Variants in NPC1 observed in about 807,000 individuals in gnomAD.
NPC1 encodes NPC intracellular cholesterol transporter 1.
NPC1 carries 85 observed loss-of-function variants against 140.4 expected under a neutral mutation model. The ratio of observed to expected loss-of-function variants is 0.61; its 90% CI spans 0.51 to 0.72. NPC1 has a LOEUF of 0.72. NPC1 is among the 30% of genes least tolerant of loss of function. The pLI is 0.00. For missense variants in NPC1, 1,504 were observed against 1,623.8 expected (o/e 0.93, Z 1.27); for synonymous variants, 656 against 624.8 (o/e 1.05, Z -0.74).
At chr18:23,512,550 A>G (rs1026003755) in intron 3 of NPC1, among the ~76,000 whole-genome samples, 4 of 151,578 alleles carry the variant, frequency 2.6e-5, no homozygotes, top group African/African-American at 9.7e-5. Flanking sequence ...CTTCCTGAGT[A>G]GCTGGAACTA....
chr18:23,554,638 C>T, intron 9 of NPC1, 120 bp downstream of exon 9: 1 of 714,534 alleles, frequency 1.4e-6, no homozygotes. Flanking sequence ...GTAAACTTCA[C>T]AGGGCAAGGT....
At chr18:23,514,934 C>G (rs1010294394) in intron 3 of NPC1, among the ~76,000 whole-genome samples, 1 of 151,950 alleles carries the variant, frequency 6.6e-6, no homozygotes, top group Non-Finnish European at 1.5e-5. Flanking sequence ...TCTGTAATAT[C>G]GGAATATTTA....
chr18:23,540,118 C>A (rs1203979619), intron 17 of NPC1, 117 bp from the exon 18 acceptor site: 1 of 866,420 alleles, frequency 1.2e-6, no homozygotes, highest in African/African-American at 1.7e-5. Context: ...ATGCCTCCAG[C>A]TGGACTCATG....
In NPC1 at chr18:23,533,373, CAG is replaced by C. The variant is rs1064794009; in HGVS notation, c.3734_3735del (p.Pro1245ArgfsTer12). 1 of 1,614,072 alleles carries C rather than the reference CAG, an allele frequency of 6.2e-7. No individual in the cohort carries two copies. Among genetic ancestry groups the C allele is most frequent in the Non-Finnish European group, 8.5e-7 (1 of 1,179,926 alleles). On this transcript the variant is annotated frameshift_variant, in exon 24 of 25. Transcript: ENST00000269228. LOFTEE classifies it high-confidence loss of function. ...CTCTTACCTATGTAACTGAGTAAGA[CAG>C]GGAGAAATATTAATCCGTGAGTGGC... Reference protein sequence around the residue: ...LGATHGLIFLPVLLSYIGPSV... With the variant: ...LGATHGLIFLXVLLSYIGPSV...
At chr18:23,550,350 A>T (rs145958296) in intron 10 of NPC1, among the ~76,000 whole-genome samples, 1 of 152,028 alleles carries the variant, frequency 6.6e-6, no homozygotes, top group African/African-American at 2.4e-5. Context: ...CCACAAATGA[A>T]CATGTACTCA....
At chr18:23,509,234 A>C (rs750794402) in intron 3 of NPC1, 3 of 1,468,296 alleles carry the variant, frequency 2.0e-6, no homozygotes, top group South Asian at 1.6e-5. Flanking sequence ...GGACTAGTTC[A>C]ACTGAAATTG....
At chr18:23,519,830 T>C (rs550923438), downstream of NPC1, among the ~76,000 whole-genome samples, 1 of 152,162 alleles carries the variant, frequency 6.6e-6, no homozygotes, top group South Asian at 2.1e-4. Context: ...CTAGAATGGG[T>C]CCTGTGGGCT....
chr18:23,528,106 G>GC, downstream of NPC1: 1 of 507,774 alleles, frequency 2.0e-6, no homozygotes, highest in South Asian at 2.6e-5. Context: ...GCTGGCGGCT[G>GC]CATCTCACTT....
At chr18:23,563,840 G>A (rs1368070214) in intron 4 of NPC1, among the ~76,000 whole-genome samples, 2 of 152,092 alleles carry the variant, frequency 1.3e-5, no homozygotes, top group Admixed American at 6.6e-5. Context: ...TTGTGGTTTT[G>A]ATTTGTATTT....
At chr18:23,574,450 A>C (rs933460940) in intron 1 of NPC1, among the ~76,000 whole-genome samples, 17 of 152,134 alleles carry the variant, frequency 1.1e-4, no homozygotes, top group Non-Finnish European at 4.4e-5. Context: ...AGCCATAAAA[A>C]AAAAACAAAT....
chr18:23,583,015 G>A (rs1329517747), intron 1 of NPC1, among the ~76,000 whole-genome samples: 4 of 149,724 alleles, frequency 2.7e-5, no homozygotes, highest in African/African-American at 9.8e-5. Flanking sequence ...AGGCTGAGGT[G>A]GAAGGATAGC....
At chr18:23,561,265 G>T in intron 5 of NPC1, 95 bp downstream of exon 5, 1 of 1,303,990 alleles carries the variant, frequency 7.7e-7, no homozygotes, top group Non-Finnish European at 1.1e-6. Context: ...TCTTGCCTCA[G>T]TCTCCCCAAG....
chr18:23,579,267 G>A (rs1032567482), intron 1 of NPC1, among the ~76,000 whole-genome samples: 8 of 152,164 alleles, frequency 5.3e-5, no homozygotes, highest in Non-Finnish European at 1.0e-4. Flanking sequence ...CTTGTAAGAC[G>A]GTAAAATCCT....
At position 23,576,637 on chromosome 18, in the gene NPC1, T is replaced by C. The variant is rs748079330; in HGVS notation, c.58-3063A>G. Reference sequence around the variant, plus strand: ...CTTAAGGTGGCGCGTCTGGAATCTGTCCCTTCTGATGTTCAGATGTTTTCG... The same window carrying C: ...CTTAAGGTGGCGCGTCTGGAATCTGCCCCTTCTGATGTTCAGATGTTTTCG... On this transcript the variant is annotated intron_variant, in intron 1 of 24. Coordinates refer to ENST00000269228, the MANE Select transcript of NPC1 (RefSeq NM_000271.5). 345 of 234,620 alleles carry C rather than the reference T, an allele frequency of 1.5e-3. 3 individuals are homozygous for C. The highest frequency in any genetic ancestry group is 1.3e-4 in the Non-Finnish European group (19 of 141,834). 14.5% of individuals were successfully genotyped at this position (234,620 alleles called of 1,614,324 possible).
At chr18:23,532,706 T>TTTC (rs1161275828) in intron 24 of NPC1, among the ~76,000 whole-genome samples, 39 of 151,286 alleles carry the variant, frequency 2.6e-4, no homozygotes, top group Admixed American at 2.6e-3. Context: ...TTTTTTTTTT[T>TTTC]TTTTTTCTTA....
At chr18:23,542,037 G>A (rs1474980310) in intron 14 of NPC1, among the ~76,000 whole-genome samples, 1 of 152,046 alleles carries the variant, frequency 6.6e-6, no homozygotes, top group African/African-American at 2.4e-5. Flanking sequence ...AGCTTTGCTT[G>A]GAAGAAAAAC....
chr18:23,559,182 T>C (rs1297562894), intron 6 of NPC1, among the ~76,000 whole-genome samples: 2 of 152,238 alleles, frequency 1.3e-5, no homozygotes, highest in Non-Finnish European at 2.9e-5. Flanking sequence ...GCTATAAACA[T>C]ACGTGTGCAT....
At chr18:23,519,519 GA>G (rs35759590), downstream of NPC1, among the ~76,000 whole-genome samples, 4,064 of 135,948 alleles carry the variant, frequency 0.03, 241 homozygotes, top group East Asian at 0.3. Flanking sequence ...TCCTGTCTCC[GA>G]AAAAAAAAAA....
chr18:23,532,371 T>C (rs1461395566), intron 24 of NPC1, 87 bp from the exon 25 acceptor site: 9 of 1,419,210 alleles, frequency 6.3e-6, no homozygotes, highest in Admixed American at 3.4e-5. Flanking sequence ...GTAATCCCAC[T>C]TTGGAAGACT....
Sources: allele counts gnomAD v4.1 joint callset (sites outside exome capture counted in the v4.1 genomes callset), GRCh38; gene constraint gnomAD v4.1.1; transcripts MANE v1.5; gene names NCBI Gene and HGNC (gene_info 2026-07-23, HGNC 2026-07-21).